Variants in PLCH1 observed in about 807,000 individuals in gnomAD.
The protein encoded by PLCH1 is 1-phosphatidylinositol 4,5-bisphosphate phosphodiesterase eta-1.
A neutral mutation model predicts 126.7 loss-of-function variants in PLCH1; 60 were observed. That is an observed-to-expected ratio of 0.47 (90% confidence interval 0.38 to 0.59). The LOEUF (loss-of-function observed/expected upper bound fraction) is 0.59. Among genes scored for constraint, PLCH1 ranks in the 20% least tolerant of loss-of-function variants. PLCH1 has a pLI of 0.00. For missense variants in PLCH1, 1,723 were observed against 2,040.0 expected, an observed-to-expected ratio of 0.84 and a Z score of 2.99; for synonymous variants, 719 against 734.9, an observed-to-expected ratio of 0.98 and a Z score of 0.35.
At position 155,744,284 on chromosome 3, in the gene PLCH1, T is replaced by C. The variant is rs55774802; in HGVS notation, c.-41+556A>G. Among the ~76,000 whole-genome samples the C allele has an allele frequency of 5.5e-3, 843 of 152,258 alleles. 9 individuals are homozygous for C. Among genetic ancestry groups the C allele is most frequent in the African/African-American group, 0.019 (807 of 41,566 alleles). On this transcript the variant is annotated intron_variant, in intron 1 of 22. Coordinates refer to ENST00000460012, the MANE Select transcript of PLCH1 (RefSeq NM_014996.4). The stretch of plus-strand genomic sequence containing the variant: ...CCACCCCGCGCCGCTCGGGCGCTCT[T>C]GGTTCTTCCCAGGAAAGGGCAATGG...
intron 4 of PLCH1, among the ~76,000 whole-genome samples, chr3:155,590,379 C>T (rs554752613): frequency 3.0e-4 from 45 of 152,230 alleles, no homozygotes; most frequent in South Asian, 6.2e-4. Flanking sequence ...GAGATAGAGA[C>T]CATCCTAGCT....
At chr3:155,545,357 A>C (rs1190733179) in intron 10 of PLCH1, among the ~76,000 whole-genome samples, 1 of 152,014 alleles carries the variant, frequency 6.6e-6, no homozygotes, top group Non-Finnish European at 1.5e-5. Context: ...GACTCTCTGA[A>C]TAGACCAATA....
At chr3:155,528,981 GA>G (rs2108320478) in intron 10 of PLCH1, among the ~76,000 whole-genome samples, 1 of 152,294 alleles carries the variant, frequency 6.6e-6, no homozygotes, top group Admixed American at 6.5e-5. Flanking sequence ...CAGATAGGGA[GA>G]AAAACAATGC....
intron 6 of PLCH1, among the ~76,000 whole-genome samples, chr3:155,574,415 C>T (rs1404969573): frequency 6.6e-6 from 1 of 152,198 alleles, no homozygotes; most frequent in African/African-American, 2.4e-5. Context: ...GGGGCTTCCC[C>T]TGGGCAAATG....
chr3:155,543,491 C>A (rs1339953603), intron 10 of PLCH1, among the ~76,000 whole-genome samples: 1 of 152,174 alleles, frequency 6.6e-6, no homozygotes, highest in Non-Finnish European at 1.5e-5. Flanking sequence ...AGAACTTCCC[C>A]AGTCTAGCAA....
At chr3:155,578,586 T>C (rs1299145976) in intron 6 of PLCH1, among the ~76,000 whole-genome samples, 3 of 152,196 alleles carry the variant, frequency 2.0e-5, no homozygotes, top group Non-Finnish European at 2.9e-5. Context: ...TAATCAAAGA[T>C]ACTTCTCAGG....
At chr3:155,486,752 C>T (rs1258689589) in intron 21 of PLCH1, among the ~76,000 whole-genome samples, 1 of 151,818 alleles carries the variant, frequency 6.6e-6, no homozygotes, top group Non-Finnish European at 1.5e-5. Flanking sequence ...TCTCGATCTC[C>T]TGACCTCATG....
intron 4 of PLCH1, among the ~76,000 whole-genome samples, chr3:155,591,852 G>T (rs1732220615): frequency 6.6e-6 from 1 of 152,008 alleles, no homozygotes; most frequent in Non-Finnish European, 1.5e-5. Flanking sequence ...CTACAGGCAT[G>T]TGTCACCACA....
At chr3:155,467,061 T>G (rs528233817) in intron 21 of PLCH1, among the ~76,000 whole-genome samples, 2 of 152,174 alleles carry the variant, frequency 1.3e-5, no homozygotes, top group South Asian at 4.1e-4. Context: ...GAGAAAGAGA[T>G]AGGGGGTAGA....
intron 2 of PLCH1, among the ~76,000 whole-genome samples, chr3:155,688,930 C>G (rs1193999269): frequency 6.6e-6 from 1 of 152,200 alleles, no homozygotes; most frequent in Non-Finnish European, 1.5e-5. Flanking sequence ...ATCCCTGGCT[C>G]CCAGACAGCA....
At chr3:155,609,225 C>T (rs1346719778) in intron 2 of PLCH1, among the ~76,000 whole-genome samples, 1 of 152,208 alleles carries the variant, frequency 6.6e-6, no homozygotes, top group African/African-American at 2.4e-5. Context: ...CAGGACTCTT[C>T]GCAGACTTTC....
At chr3:155,743,203 G>C (rs1333162390) in intron 1 of PLCH1, 1 of 449,812 alleles carries the variant, frequency 2.2e-6, no homozygotes, top group African/African-American at 2.0e-5. Flanking sequence ...AGAGGGGATA[G>C]GGCTGTCAAG....
At chr3:155,569,072 AT>A (rs1728884640) in intron 6 of PLCH1, among the ~76,000 whole-genome samples, 1 of 152,160 alleles carries the variant, frequency 6.6e-6, no homozygotes, top group Admixed American at 6.6e-5. Context: ...TATGCTATTT[AT>A]TAATATTAAT....
At chr3:155,667,902 T>TAAAAAAAAAA (rs766010793) in intron 2 of PLCH1, among the ~76,000 whole-genome samples, 92 of 95,072 alleles carry the variant, frequency 9.7e-4, no homozygotes, top group African/African-American at 2.3e-3. Flanking sequence ...CCATCTCTAC[T>TAAAAAAAAAA]TAAAAAAAAA....
chr3:155,685,488 C>A (rs957244811), intron 2 of PLCH1, among the ~76,000 whole-genome samples: 11 of 152,158 alleles, frequency 7.2e-5, no homozygotes, highest in African/African-American at 2.4e-4. Context: ...AAGGACAAGT[C>A]AATTCCAAAT....
chr3:155,648,512 G>T (rs994193070), intron 2 of PLCH1, among the ~76,000 whole-genome samples: 1 of 152,144 alleles, frequency 6.6e-6, no homozygotes, highest in South Asian at 2.1e-4. Context: ...GAGAAAGGCC[G>T]GGTCACATTT....
At chr3:155,484,311 G>A (rs1470925896) in intron 22 of PLCH1, among the ~76,000 whole-genome samples, 1 of 152,146 alleles carries the variant, frequency 6.6e-6, no homozygotes, top group African/African-American at 2.4e-5. Flanking sequence ...CAAAGATGGG[G>A]TTTTAAAATA....
intron 2 of PLCH1, among the ~76,000 whole-genome samples, chr3:155,639,246 C>A (rs923407730): frequency 6.6e-6 from 1 of 151,982 alleles, no homozygotes; most frequent in African/African-American, 2.4e-5. Flanking sequence ...ATCACTTGAG[C>A]CCAGGAGTTC....
intron 2 of PLCH1, among the ~76,000 whole-genome samples, chr3:155,683,910 T>G (rs1744725741): frequency 6.6e-6 from 1 of 152,062 alleles, no homozygotes; most frequent in East Asian, 1.9e-4. Context: ...ATGACTAGAG[T>G]GGAAATGTCC....
Sources: gnomAD v4.1 joint callset for allele counts (sites outside exome capture counted in the v4.1 genomes callset) on GRCh38, gnomAD v4.1.1 for gene constraint, MANE v1.5 for transcripts, NCBI Gene and HGNC (gene_info 2026-07-23, HGNC 2026-07-21) for gene names.